Variants in BMAL1 observed in about 807,000 individuals in gnomAD.
BMAL1 encodes basic helix-loop-helix ARNT-like protein 1.
the BMAL1 span, among the ~76,000 whole-genome samples, chr11:13,326,133 G>A: frequency 6.6e-6 from 1 of 151,756 alleles, no homozygotes; most frequent in Admixed American, 6.6e-5. Context: ...AACCCGGGAG[G>A]CAGAGGTTGC....
chr11:13,328,174 CT>C, the BMAL1 span, among the ~76,000 whole-genome samples: 1 of 151,682 alleles, frequency 6.6e-6, no homozygotes, highest in African/African-American at 2.4e-5. Context: ...ACTGGAGAGG[CT>C]TTTTTTTGGC....
At chr11:13,361,575 C>T in the BMAL1 span, among the ~76,000 whole-genome samples, 21 of 152,266 alleles carry the variant, frequency 1.4e-4, no homozygotes, top group African/African-American at 4.6e-4. Context: ...TAAGCCTGGC[C>T]TGTCTGCTCA....
the BMAL1 span, chr11:13,386,876 G>GC: frequency 8.2e-7 from 1 of 1,225,564 alleles, no homozygotes; most frequent in Non-Finnish European, 1.1e-6. Context: ...CTTCATAAAA[G>GC]CCATCTCAGA....
the BMAL1 span, among the ~76,000 whole-genome samples, chr11:13,278,759 C>T: frequency 6.6e-6 from 1 of 152,226 alleles, no homozygotes; most frequent in South Asian, 2.1e-4. Flanking sequence ...CCCAGAGCTC[C>T]GCGGAGGGCG....
the BMAL1 span, among the ~76,000 whole-genome samples, chr11:13,320,400 C>G: frequency 6.6e-6 from 1 of 152,176 alleles, no homozygotes; most frequent in Admixed American, 6.5e-5. Flanking sequence ...TCATCAGACC[C>G]ATGCTGGGCA....
the BMAL1 span, among the ~76,000 whole-genome samples, chr11:13,301,189 C>T: frequency 6.6e-6 from 1 of 152,210 alleles, no homozygotes; most frequent in Non-Finnish European, 1.5e-5. Context: ...CCTGCCTCGG[C>T]CTCCCAAAGT....
At chr11:13,306,172 C>T in the BMAL1 span, among the ~76,000 whole-genome samples, 2 of 151,438 alleles carry the variant, frequency 1.3e-5, no homozygotes, top group Admixed American at 6.6e-5. Context: ...GCGTATAGGT[C>T]GGGGCTAGTT....
chr11:13,385,928 T>G, the BMAL1 span: 2 of 711,556 alleles, frequency 2.8e-6, no homozygotes, highest in Non-Finnish European at 4.5e-6. Flanking sequence ...AGTTTAAAAT[T>G]TGTTTAAATC....
chr11:13,362,108 C>A, the BMAL1 span, among the ~76,000 whole-genome samples: 3,047 of 152,322 alleles, frequency 0.02, 46 homozygotes, highest in Non-Finnish European at 0.029. Flanking sequence ...TTGCCACACA[C>A]ACTTTCCAGA....
the BMAL1 span, chr11:13,349,874 A>G: frequency 6.6e-6 from 1 of 152,274 alleles, no homozygotes; most frequent in African/African-American, 2.4e-5. Context: ...CTTAGCTAAT[A>G]AGAGATTTTT....
At chr11:13,352,504 T>TC in the BMAL1 span, among the ~76,000 whole-genome samples, 1 of 152,202 alleles carries the variant, frequency 6.6e-6, no homozygotes, top group Non-Finnish European at 1.5e-5. Context: ...TTTCTTTTTT[T>TC]CTCTTTAGAC....
chr11:13,285,419 G>A, the BMAL1 span, among the ~76,000 whole-genome samples: 11 of 152,160 alleles, frequency 7.2e-5, no homozygotes, highest in Non-Finnish European at 1.3e-4. Context: ...TTCATGCCTT[G>A]TTGTGAGAAG....
At chr11:13,325,658 T>TGTGTGG in the BMAL1 span, among the ~76,000 whole-genome samples, 3 of 1,194 alleles carry the variant, frequency 2.5e-3, no homozygotes, top group East Asian at 0.17. Flanking sequence ...TGAGACCTTT[T>TGTGTGG]GTGTGTGTGT....
At chr11:13,346,616 T>C in the BMAL1 span, among the ~76,000 whole-genome samples, 1 of 152,196 alleles carries the variant, frequency 6.6e-6, no homozygotes, top group Non-Finnish European at 1.5e-5. Context: ...TGCTCCTTCC[T>C]GTGGAGCCCC....
chr11:13,383,427 G>T, the BMAL1 span, among the ~76,000 whole-genome samples: 3 of 152,134 alleles, frequency 2.0e-5, no homozygotes, highest in African/African-American at 4.8e-5. Context: ...CTAAAAGCAC[G>T]GTTGGGTAAA....
At chr11:13,347,829 G>A in the BMAL1 span, among the ~76,000 whole-genome samples, 2 of 152,196 alleles carry the variant, frequency 1.3e-5, no homozygotes, top group Admixed American at 6.5e-5. Flanking sequence ...CAGCCTGGGC[G>A]ACAGAGCAAG....
chr11:13,304,892 T>A, the BMAL1 span, among the ~76,000 whole-genome samples: 2 of 152,232 alleles, frequency 1.3e-5, no homozygotes, highest in Admixed American at 6.5e-5. Flanking sequence ...TCTTTGTGTG[T>A]TGACATCAGA....
At chr11:13,367,945 T>C in the BMAL1 span, among the ~76,000 whole-genome samples, 15 of 152,342 alleles carry the variant, frequency 9.8e-5, no homozygotes, top group African/African-American at 3.1e-4. Context: ...CAGTGTGGCC[T>C]AATGTCTTGC....
the BMAL1 span, among the ~76,000 whole-genome samples, chr11:13,344,375 CA>C: frequency 6.6e-6 from 1 of 152,220 alleles, no homozygotes; most frequent in East Asian, 1.9e-4. Flanking sequence ...TCTAAACCCC[CA>C]GGCACCTCTG....
Sources: allele counts gnomAD v4.1 joint callset (sites outside exome capture counted in the v4.1 genomes callset), GRCh38; gene constraint gnomAD v4.1.1; transcripts MANE v1.5; gene names NCBI Gene and HGNC (gene_info 2026-07-23, HGNC 2026-07-21).